The following MTUS2 variants were observed in gnomAD, a reference collection of about 807,000 sequenced individuals.
MTUS2 encodes microtubule-associated tumor suppressor candidate 2.
MTUS2 carries 40 observed loss-of-function variants against 114.1 expected under a neutral mutation model. The observed-to-expected ratio is 0.35, with a 90% CI of 0.27 to 0.46. The LOEUF (loss-of-function observed/expected upper bound fraction) is 0.46, where lower values mean the gene tolerates loss of function less well. Among genes scored for constraint, MTUS2 ranks in the 20% least tolerant of loss-of-function variants. The pLI is 1.00. For synonymous variants in MTUS2, 688 were observed against 672.0 expected, an observed-to-expected ratio of 1.02 and a Z score of -0.37; for missense variants, 1,679 against 1,705.4, an observed-to-expected ratio of 0.98 and a Z score of 0.27.
At chr13:28,894,348 G>C (rs1313394219) in intron 2 of MTUS2, among the ~76,000 whole-genome samples, 1 of 110,666 alleles carries the variant, frequency 9.0e-6, no homozygotes, top group East Asian at 2.3e-4. Context: ...GAGAGAGAGA[G>C]AGTGAGAGTG....
intron 13 of MTUS2, among the ~76,000 whole-genome samples, chr13:29,497,988 CT>C (rs1882657026): frequency 1.3e-5 from 2 of 152,232 alleles, no homozygotes; most frequent in South Asian, 2.1e-4. Flanking sequence ...TCTTAAACCA[CT>C]TTGCTCATTT....
chr13:29,502,632 G>A (rs949125297), intron 15 of MTUS2, among the ~76,000 whole-genome samples: 1 of 152,232 alleles, frequency 6.6e-6, no homozygotes, highest in Non-Finnish European at 1.5e-5. Context: ...ATTGTCAATT[G>A]CCAGCTGCGC....
At chr13:29,336,284 A>G (rs901715814) in intron 7 of MTUS2, among the ~76,000 whole-genome samples, 1 of 148,824 alleles carries the variant, frequency 6.7e-6, no homozygotes, top group African/African-American at 2.6e-5. Context: ...AGATTTATCT[A>G]CCTTTGGTCT....
rs779683553 is a variant in MTUS2 at position 29,498,403 on chromosome 13, TCTC to T, written c.3679-14_3679-12del. The T allele has an allele frequency of 1.0e-4, 166 of 1,613,880 alleles. No individual in the cohort carries two copies. Among genetic ancestry groups the T allele is most frequent in the Non-Finnish European group, 1.3e-4 (158 of 1,179,930 alleles). Reference sequence around the variant, plus strand: ...GGAATCCTGGTCAACAGCTCATGGCTCTCTGCCTCTGTAGATTGCATTGGCTCC... The same window carrying T: ...GGAATCCTGGTCAACAGCTCATGGCTTGCCTCTGTAGATTGCATTGGCTCC... On this transcript the variant is annotated splice_polypyrimidine_tract_variant and intron_variant, in intron 13 of 15. Coordinates refer to ENST00000612955, the MANE Select transcript of MTUS2 (RefSeq NM_001033602.4).
At position 29,276,537 on chromosome 13, in the gene MTUS2, C is replaced by T. The variant is rs144032709; in HGVS notation, c.2645-5167C>T. On this transcript the variant is annotated intron_variant, in intron 5 of 15. Transcript: ENST00000612955. ...ATGGTGTGATGGAAGTAGAGTGTCC[C>T]GCTGGCATGGGCACAGGAAGGGAAT... Among the ~76,000 whole-genome samples, 863 of 152,116 alleles carry T rather than the reference C, an allele frequency of 5.7e-3. 4 individuals carry two copies. Among genetic ancestry groups the T allele is most frequent in the African/African-American group, 0.016 (683 of 41,506 alleles).
Position 29,209,354 on chromosome 13 carries a change from C to T in MTUS2, c.2645-72350C>T, listed in dbSNP as rs78812711. 1.8e-3 allele frequency among the ~76,000 whole-genome samples: 275 copies of T among 152,238 alleles called. 1 individual carries two copies. The highest frequency in any genetic ancestry group is 0.017 in the Middle Eastern group (5 of 294). On this transcript the variant is annotated intron_variant, in intron 5 of 15. Coordinates refer to ENST00000612955, the MANE Select transcript of MTUS2 (RefSeq NM_001033602.4). ...GAGTCTCTTGAAGAGAGCAGATACT[C>T]GGTTGGCGAATTCTTATCCATTCTT...
intron 2 of MTUS2, among the ~76,000 whole-genome samples, chr13:28,895,672 T>G (rs1047056348): frequency 6.6e-6 from 1 of 152,184 alleles, no homozygotes; most frequent in Non-Finnish European, 1.5e-5. Context: ...TCACAATAAC[T>G]GAGTTGTTCA....
At chr13:29,369,224 A>G (rs531828106) in intron 8 of MTUS2, among the ~76,000 whole-genome samples, 1 of 152,324 alleles carries the variant, frequency 6.6e-6, no homozygotes, top group Admixed American at 6.5e-5. Context: ...CTCTATTATC[A>G]AACGGTTTAT....
At chr13:28,879,401 A>G (rs1183317419) in intron 2 of MTUS2, among the ~76,000 whole-genome samples, 2 of 151,978 alleles carry the variant, frequency 1.3e-5, no homozygotes, top group East Asian at 3.9e-4. Context: ...TTTAATTACT[A>G]CCCTCTTTTA....
chr13:29,133,702 A>G (rs1266493786), intron 5 of MTUS2, among the ~76,000 whole-genome samples: 1 of 152,170 alleles, frequency 6.6e-6, no homozygotes, highest in Non-Finnish European at 1.5e-5. Context: ...CTACTTCATG[A>G]GTCTGTATGT....
chr13:29,225,908 G>A (rs550259390), intron 5 of MTUS2, among the ~76,000 whole-genome samples: 58 of 152,108 alleles, frequency 3.8e-4, no homozygotes, highest in South Asian at 2.3e-3. Flanking sequence ...AAGAAATTGC[G>A]CCTTCTCTTT....
chr13:28,950,986 A>G (rs1262952253), intron 2 of MTUS2, among the ~76,000 whole-genome samples: 5 of 152,238 alleles, frequency 3.3e-5, no homozygotes, highest in Non-Finnish European at 7.3e-5. Flanking sequence ...TGTAAAAGAC[A>G]TCTAAATTGA....
At chr13:28,983,552 C>G (rs1884451215) in intron 2 of MTUS2, among the ~76,000 whole-genome samples, 1 of 152,180 alleles carries the variant, frequency 6.6e-6, no homozygotes, top group Admixed American at 6.5e-5. Context: ...ATTAATCTCA[C>G]TTGTTTGATT....
At chr13:29,237,428 C>T (rs1896574267) in intron 5 of MTUS2, among the ~76,000 whole-genome samples, 1 of 152,124 alleles carries the variant, frequency 6.6e-6, no homozygotes, top group Non-Finnish European at 1.5e-5. Flanking sequence ...GCTGATTCCA[C>T]CACCCTGCCC....
chr13:28,945,176 C>A (rs970132888), intron 2 of MTUS2, among the ~76,000 whole-genome samples: 6 of 66,848 alleles, frequency 9.0e-5, no homozygotes, highest in African/African-American at 2.5e-4. Context: ...GAGTAGTATT[C>A]CATTATATAT....
At chr13:29,083,367 C>T (rs1474253032) in intron 4 of MTUS2, among the ~76,000 whole-genome samples, 1 of 152,156 alleles carries the variant, frequency 6.6e-6, no homozygotes, top group Non-Finnish European at 1.5e-5. Flanking sequence ...TTAAGACCTT[C>T]CCTGCAAAGG....
At chr13:28,822,922 G>A (rs1874009214) in intron 1 of MTUS2, among the ~76,000 whole-genome samples, 1 of 152,148 alleles carries the variant, frequency 6.6e-6, no homozygotes, top group African/African-American at 2.4e-5. Context: ...ATAACCTAGG[G>A]CTGTATAGAG....
chr13:29,204,695 A>AT (rs1895108204), intron 5 of MTUS2, among the ~76,000 whole-genome samples: 3 of 152,240 alleles, frequency 2.0e-5, no homozygotes, highest in Non-Finnish European at 4.4e-5. Context: ...CAGCTCAGGT[A>AT]GCCGCCCATG....
intron 7 of MTUS2, among the ~76,000 whole-genome samples, chr13:29,338,601 A>C (rs7326983): frequency 7.2e-6 from 1 of 139,744 alleles, no homozygotes; most frequent in African/African-American, 3.3e-5. Context: ...GAAAACAAAA[A>C]AAAACAAAGT....
Sources: gnomAD v4.1 joint callset for allele counts (sites outside exome capture counted in the v4.1 genomes callset) on GRCh38, gnomAD v4.1.1 for gene constraint, MANE v1.5 for transcripts, NCBI Gene and HGNC (gene_info 2026-07-23, HGNC 2026-07-21) for gene names.